The following GRIA2 variants were observed in gnomAD, a reference collection of about 807,000 sequenced individuals.
The protein encoded by GRIA2 is glutamate ionotropic receptor AMPA type subunit 2, also known as glutamate receptor 2.
In GRIA2, 14 loss-of-function variants were observed where a neutral mutation model predicts 97.3. The ratio of observed to expected loss-of-function variants is 0.14; its 90% confidence interval spans 0.10 to 0.23. GRIA2 has a LOEUF of 0.23. Ranked by LOEUF, GRIA2 falls within the 10% of genes least tolerant of loss-of-function variation. GRIA2 has a pLI of 1.00. For synonymous variants in GRIA2, 412 were observed against 387.8 expected (o/e 1.06, Z -0.73); for missense variants, 558 against 1,069.8 (o/e 0.52, Z 6.67).
intron 12 of GRIA2, 36 bp from the exon 13 acceptor site, chr4:157,359,860 C>G (rs747055160): frequency 6.3e-7 from 1 of 1,591,618 alleles, no homozygotes; most frequent in South Asian, 1.1e-5. Flanking sequence ...TTAGGGCCAT[C>G]TCTTAATGCT....
intron 2 of GRIA2, among the ~76,000 whole-genome samples, chr4:157,300,542 G>C (rs746541012): frequency 9.9e-5 from 15 of 152,054 alleles, no homozygotes; most frequent in Admixed American, 2.6e-4. Context: ...ACTGTTGGCC[G>C]AATGGCTGTT....
intron 3 of GRIA2, among the ~76,000 whole-genome samples, chr4:157,309,729 T>G (rs2126879912): frequency 6.6e-6 from 1 of 152,318 alleles, no homozygotes; most frequent in African/African-American, 2.4e-5. Context: ...TGAAATCCAT[T>G]TACAAAGTGT....
At chr4:157,321,371 T>A in intron 5 of GRIA2, 67 bp from the exon 6 acceptor site, 1 of 1,083,110 alleles carries the variant, frequency 9.2e-7, no homozygotes, top group East Asian at 2.4e-5. Context: ...ATAGAGTTAT[T>A]TGGTAAATGT....
chr4:157,362,483 C>T (rs576198977), intron 14 of GRIA2: 52 of 488,156 alleles, frequency 1.1e-4, no homozygotes, highest in African/African-American at 8.0e-4. Flanking sequence ...ATTTTTCCCA[C>T]GGTAATGGAA....
At chr4:157,283,478 A>G (rs1326742358) in intron 2 of GRIA2, among the ~76,000 whole-genome samples, 1 of 152,054 alleles carries the variant, frequency 6.6e-6, no homozygotes, top group Non-Finnish European at 1.5e-5. Context: ...GGAATTATAA[A>G]TATAGTAATG....
intron 2 of GRIA2, among the ~76,000 whole-genome samples, chr4:157,233,322 C>T (rs9307958): frequency 0.35 from 52,637 of 151,918 alleles, 9,532 homozygotes; most frequent in African/African-American, 0.45. Flanking sequence ...TCACTTACAT[C>T]TTAGGATGTT....
chr4:157,304,532 T>C (rs1448014533), intron 3 of GRIA2, among the ~76,000 whole-genome samples: 5 of 152,208 alleles, frequency 3.3e-5, no homozygotes, highest in African/African-American at 1.2e-4. Context: ...AGGTCCGTAA[T>C]TGGGTGTCAG....
chr4:157,293,938 G>A (rs749858354), intron 2 of GRIA2, among the ~76,000 whole-genome samples: 5 of 152,022 alleles, frequency 3.3e-5, no homozygotes, highest in Non-Finnish European at 7.4e-5. Flanking sequence ...GAATGCTAAT[G>A]GCCCAGAGCA....
intron 2 of GRIA2, among the ~76,000 whole-genome samples, chr4:157,297,317 C>G (rs1733391677): frequency 6.6e-6 from 1 of 151,994 alleles, no homozygotes. Flanking sequence ...AACACATAAG[C>G]ACTTGTCTTG....
chr4:157,290,462 C>T (rs1053408203), intron 2 of GRIA2, among the ~76,000 whole-genome samples: 4 of 148,750 alleles, frequency 2.7e-5, no homozygotes, highest in Non-Finnish European at 3.0e-5. Context: ...CTACAAGATT[C>T]GTATTCAAAA....
chr4:157,323,133 A>G (rs1168772169), intron 6 of GRIA2, among the ~76,000 whole-genome samples: 1 of 151,898 alleles, frequency 6.6e-6, no homozygotes, highest in Admixed American at 6.6e-5. Context: ...CAGGAGATCG[A>G]GACCATCCTG....
rs892855761 is a variant in GRIA2 at position 157,238,203 on chromosome 4, A to G, written c.229+16396A>G. Among the ~76,000 whole-genome samples the G allele has an allele frequency of 3.9e-5, 6 of 152,168 alleles. No homozygotes were observed. The East Asian group carries it at 1.2e-3, about 29-fold the overall frequency. On this transcript the variant is annotated intron_variant, in intron 2 of 15. Transcript: ENST00000264426. ...AAACTGGAATACTAAATAAAATTCT[A>G]GAAAGTTACTTGCGTCAAGATATAC...
At chr4:157,234,749 C>A (rs1156975966) in intron 2 of GRIA2, among the ~76,000 whole-genome samples, 2 of 152,084 alleles carry the variant, frequency 1.3e-5, no homozygotes, top group African/African-American at 4.8e-5. Context: ...GTTTATTCCC[C>A]AGCACAGTAT....
chr4:157,221,204 AATTCATGTC>A, intron 1 of GRIA2, 74 bp downstream of exon 1: 2 of 812,202 alleles, frequency 2.5e-6, no homozygotes, highest in Non-Finnish European at 4.4e-6. Context: ...TGTACAAATT[AATTCATGTC>A]ATGTAGACTT....
At chr4:157,220,189 CAGG>C (rs1407254914), upstream of GRIA2, 5 of 152,148 alleles carry the variant, frequency 3.3e-5, no homozygotes, top group Non-Finnish European at 7.3e-5. Context: ...TGGGTTTTCA[CAGG>C]AGATGGAAGA....
intron 2 of GRIA2, among the ~76,000 whole-genome samples, chr4:157,234,009 A>G (rs1171373149): frequency 6.6e-6 from 1 of 152,182 alleles, no homozygotes; most frequent in African/African-American, 2.4e-5. Flanking sequence ...AGTTGGCAAC[A>G]TAGCTAGTAT....
chr4:157,237,406 T>C (rs1197815872), intron 2 of GRIA2, among the ~76,000 whole-genome samples: 1 of 152,010 alleles, frequency 6.6e-6, no homozygotes. Context: ...GTTATTCTTC[T>C]GCTTCAGCCT....
At chr4:157,272,072 G>A (rs1732052100) in intron 2 of GRIA2, among the ~76,000 whole-genome samples, 1 of 152,070 alleles carries the variant, frequency 6.6e-6, no homozygotes, top group African/African-American at 2.4e-5. Context: ...CCAGCTGTGA[G>A]TTGTTTGTTT....
chr4:157,358,304 C>G (rs1579392592), intron 12 of GRIA2, among the ~76,000 whole-genome samples: 1 of 152,022 alleles, frequency 6.6e-6, no homozygotes, highest in East Asian at 1.9e-4. Context: ...CACAAAATAG[C>G]TAATTAGAAT....
Sources: allele counts gnomAD v4.1 joint callset (sites outside exome capture counted in the v4.1 genomes callset), GRCh38; gene constraint gnomAD v4.1.1; transcripts MANE v1.5; gene names NCBI Gene and HGNC (gene_info 2026-07-23, HGNC 2026-07-21).